The following FUT8 variants were observed in gnomAD, a reference collection of about 807,000 sequenced individuals.
The protein encoded by FUT8 is fucosyltransferase 8.
A neutral mutation model predicts 71.3 loss-of-function variants in FUT8; 29 were observed. The ratio of observed to expected loss-of-function variants is 0.41; its 90% confidence interval spans 0.30 to 0.55. FUT8 has a LOEUF of 0.55. Ranked by LOEUF, FUT8 falls within the 20% of genes least tolerant of loss-of-function variation. FUT8 has a pLI of 0.34. For missense variants in FUT8, 544 were observed against 702.1 expected, an observed-to-expected ratio of 0.77 and a Z score of 2.55; for synonymous variants, 254 against 239.3, an observed-to-expected ratio of 1.06 and a Z score of -0.57.
intron 2 of FUT8, among the ~76,000 whole-genome samples, chr14:65,526,897 C>G (rs1020779204): frequency 7.9e-5 from 12 of 152,218 alleles, no homozygotes; most frequent in Non-Finnish European, 1.6e-4. Flanking sequence ...GGCCCCCACT[C>G]TCTTCTGGCT....
chr14:65,553,539 A>G (rs1287395243), intron 2 of FUT8, among the ~76,000 whole-genome samples: 2 of 152,024 alleles, frequency 1.3e-5, no homozygotes, highest in African/African-American at 4.8e-5. Context: ...TTTATCTGGT[A>G]TCATACTCCT....
chr14:65,580,391 G>A (rs1717945186), intron 3 of FUT8, among the ~76,000 whole-genome samples: 2 of 151,398 alleles, frequency 1.3e-5, no homozygotes, highest in Non-Finnish European at 3.0e-5. Context: ...TATATATGCG[G>A]TCCATTGTTA....
chr14:65,653,989 A>T (rs938451756), intron 6 of FUT8, among the ~76,000 whole-genome samples: 4 of 152,244 alleles, frequency 2.6e-5, no homozygotes, highest in African/African-American at 7.2e-5. Context: ...ACAAAAAATG[A>T]TGACAGAAGG....
chr14:65,526,499 G>A lies in FUT8; in HGVS notation c.-227-34838G>A, dbSNP rs370354785. Among the ~76,000 whole-genome samples the A allele has an allele frequency of 4.2e-4, 64 of 152,230 alleles. 1 individual carries two copies. Among genetic ancestry groups the A allele is most frequent in the African/African-American group, 1.4e-3 (59 of 41,548 alleles). ...TCTCCTGAATACAGCACACTGATGG[G>A]TCTTGACTCTTTATCCAATTTACCA... On this transcript the variant is annotated intron_variant, in intron 2 of 10. Coordinates refer to ENST00000673929, the MANE Select transcript of FUT8 (RefSeq NM_001371533.1).
intron 5 of FUT8, among the ~76,000 whole-genome samples, chr14:65,618,487 A>C (rs904068755): frequency 6.6e-6 from 1 of 152,190 alleles, no homozygotes; most frequent in Non-Finnish European, 1.5e-5. Flanking sequence ...AGAAATGACA[A>C]TGAATCTGGG....
chr14:65,535,571 T>C (rs1884250291), intron 2 of FUT8, among the ~76,000 whole-genome samples: 1 of 152,216 alleles, frequency 6.6e-6, no homozygotes, highest in Non-Finnish European at 1.5e-5. Flanking sequence ...TTGTTTTATT[T>C]CCATGTAATT....
chr14:65,434,382 G>A (rs1177843371), intron 1 of FUT8, among the ~76,000 whole-genome samples: 3 of 152,208 alleles, frequency 2.0e-5, no homozygotes, highest in Non-Finnish European at 4.4e-5. Context: ...CCCTAGGATG[G>A]CCTCTGACAG....
chr14:65,530,985 A>G (rs970874785), intron 2 of FUT8, among the ~76,000 whole-genome samples: 1 of 147,812 alleles, frequency 6.8e-6, no homozygotes, highest in Non-Finnish European at 1.5e-5. Context: ...ACTTTTTACC[A>G]ATAAAAAAAT....
chr14:65,373,714 A>G, the FUT8 span, among the ~76,000 whole-genome samples: 1,471 of 152,154 alleles, frequency 9.7e-3, 25 homozygotes, highest in African/African-American at 0.034. Flanking sequence ...TGGGATCCCA[A>G]TTTTTCATAG....
At chr14:65,558,965 A>G (rs1885754232) in intron 2 of FUT8, among the ~76,000 whole-genome samples, 1 of 152,154 alleles carries the variant, frequency 6.6e-6, no homozygotes, top group Non-Finnish European at 1.5e-5. Context: ...TATATAATAT[A>G]GTAATTTAAT....
At chr14:65,677,114 T>TTGTGTGTGTGTGTGTGTGTG (rs1555383258) in intron 7 of FUT8, among the ~76,000 whole-genome samples, 14 of 110,256 alleles carry the variant, frequency 1.3e-4, no homozygotes, top group East Asian at 1.1e-3. Flanking sequence ...AAAGACATAT[T>TTGTGTGTGTGTGTGTGTGTG]TGTGTGTGTG....
intron 7 of FUT8, among the ~76,000 whole-genome samples, chr14:65,720,633 T>TA (rs1232525744): frequency 6.6e-6 from 1 of 152,172 alleles, no homozygotes; most frequent in African/African-American, 2.4e-5. Flanking sequence ...CTCACTAGGT[T>TA]ACGTGCCCCC....
chr14:65,687,888 G>A (rs1379552662), intron 7 of FUT8, among the ~76,000 whole-genome samples: 1 of 152,020 alleles, frequency 6.6e-6, no homozygotes, highest in East Asian at 1.9e-4. Flanking sequence ...GTGCTACCAT[G>A]CCTTGCTAAG....
At chr14:65,702,106 G>A (rs1326163292) in intron 7 of FUT8, among the ~76,000 whole-genome samples, 1 of 152,184 alleles carries the variant, frequency 6.6e-6, no homozygotes, top group Non-Finnish European at 1.5e-5. Flanking sequence ...AGCACTTTGG[G>A]AGGCCAAGGT....
rs1334775934 is a variant in FUT8 at position 65,652,873 on chromosome 14, G to A, written c.598-16370G>A. On this transcript the variant is annotated intron_variant, in intron 6 of 10. Transcript: ENST00000673929. This position sits in a 1 kb window ranked among gnomAD's most constrained non-coding sequence, Gnocchi z 4.0. The stretch of plus-strand genomic sequence containing the variant: ...GAGCACATTCTCTTGGCTGATGCTG[G>A]AAAGAGCCAAACATTTGGAGCATGC... Among the ~76,000 whole-genome samples the A allele has an allele frequency of 1.3e-5, 2 of 152,228 alleles. No individual in the cohort carries two copies. Among genetic ancestry groups the A allele is most frequent in the African/African-American group, 2.4e-5 (1 of 41,458 alleles).
chr14:65,374,788 C>T, the FUT8 span, among the ~76,000 whole-genome samples: 1 of 150,340 alleles, frequency 6.7e-6, no homozygotes, highest in African/African-American at 2.4e-5. Context: ...TTTTAGTTGA[C>T]GTGGGATTTC....
chr14:65,395,953 A>G, the FUT8 span, among the ~76,000 whole-genome samples: 2 of 152,172 alleles, frequency 1.3e-5, no homozygotes, highest in Non-Finnish European at 1.5e-5. Context: ...AGTACCCTAA[A>G]TCATCTTCCT....
chr14:65,631,354 T>G (rs1418055624), intron 6 of FUT8, among the ~76,000 whole-genome samples: 1 of 152,204 alleles, frequency 6.6e-6, no homozygotes, highest in Non-Finnish European at 1.5e-5. Context: ...AACAAGTACC[T>G]GCCACCTGTT....
intron 9 of FUT8, among the ~76,000 whole-genome samples, chr14:65,729,597 C>T (rs979525605): frequency 1.3e-5 from 2 of 150,380 alleles, no homozygotes; most frequent in African/African-American, 4.9e-5. Context: ...CTCACGGTAG[C>T]CTCGACCTCC....
Sources: allele counts gnomAD v4.1 joint callset (sites outside exome capture counted in the v4.1 genomes callset), GRCh38; gene constraint gnomAD v4.1.1; non-coding constraint Gnocchi (gnomAD v3.1); transcripts MANE v1.5; gene names NCBI Gene and HGNC (gene_info 2026-07-23, HGNC 2026-07-21).